Variants in EIF4ENIF1 observed in about 807,000 individuals in gnomAD.
The protein encoded by EIF4ENIF1 is eukaryotic translation initiation factor 4E nuclear import factor 1, also known as eukaryotic translation initiation factor 4E transporter.
EIF4ENIF1 carries 23 observed loss-of-function variants against 110.5 expected under a neutral mutation model. The observed-to-expected ratio is 0.21, with a 90% CI of 0.15 to 0.29. The LOEUF is 0.29. Ranked by LOEUF, EIF4ENIF1 falls within the 10% of genes least tolerant of loss-of-function variation. The pLI is 1.00. For missense variants in EIF4ENIF1, 1,031 were observed against 1,221.1 expected (o/e 0.84, Z 2.32); for synonymous variants, 440 against 437.0 (o/e 1.01, Z -0.09).
At chr22:31,452,984 T>A (rs1049016114) in intron 10 of EIF4ENIF1, among the ~76,000 whole-genome samples, 1 of 152,168 alleles carries the variant, frequency 6.6e-6, no homozygotes, top group Non-Finnish European at 1.5e-5. Flanking sequence ...CAAACAGCTA[T>A]TGCTACTTGC....
intron 15 of EIF4ENIF1, 61 bp downstream of exon 15, chr22:31,444,545 C>G: frequency 6.6e-7 from 1 of 1,505,778 alleles, no homozygotes; most frequent in Non-Finnish European, 9.2e-7. Flanking sequence ...GTGGTACAAT[C>G]CATGCACAAC....
At chr22:31,453,294 C>G in intron 10 of EIF4ENIF1, 1 of 342,010 alleles carries the variant, frequency 2.9e-6, no homozygotes, top group Non-Finnish European at 5.9e-6. Context: ...TTCATGCCTA[C>G]AAGTTTTGTT....
intron 17 of EIF4ENIF1, 117 bp from the exon 18 acceptor site, chr22:31,440,985 G>T: frequency 7.3e-7 from 1 of 1,375,388 alleles, no homozygotes; most frequent in Non-Finnish European, 1.0e-6. Context: ...GCTCTGCGCA[G>T]TGGCTCACGC....
downstream of EIF4ENIF1, among the ~76,000 whole-genome samples, chr22:31,438,987 T>TGAGA (rs1324560822): frequency 1.3e-5 from 2 of 152,222 alleles, no homozygotes; most frequent in African/African-American, 4.8e-5. Flanking sequence ...CCCAGAGTGC[T>TGAGA]GAGATTACAG....
chr22:31,446,400 C>G (rs2050478854), intron 14 of EIF4ENIF1, among the ~76,000 whole-genome samples: 1 of 151,810 alleles, frequency 6.6e-6, no homozygotes, highest in African/African-American at 2.4e-5. Flanking sequence ...GCAGACCAGT[C>G]TGGAGCTCTC....
At chr22:31,459,489 T>C (rs2103853) in intron 6 of EIF4ENIF1, among the ~76,000 whole-genome samples, 54,631 of 151,954 alleles carry the variant, frequency 0.36, 11,250 homozygotes, top group East Asian at 0.87. Context: ...AAGCTTGCCC[T>C]GCCTACCCAT....
chr22:31,444,162 AC>A (rs2050389584), intron 15 of EIF4ENIF1, among the ~76,000 whole-genome samples: 1 of 152,116 alleles, frequency 6.6e-6, no homozygotes, highest in Non-Finnish European at 1.5e-5. Context: ...ATATAAGCAA[AC>A]CCTTCTGTTC....
At chr22:31,477,996 A>G (rs1428958345) in intron 2 of EIF4ENIF1, among the ~76,000 whole-genome samples, 2 of 152,218 alleles carry the variant, frequency 1.3e-5, no homozygotes, top group Non-Finnish European at 2.9e-5. Flanking sequence ...AAGATTTCCA[A>G]TGAATGCCCA....
At chr22:31,455,384 TTTC>T in intron 8 of EIF4ENIF1, 69 bp from the exon 9 acceptor site, 3 of 1,257,556 alleles carry the variant, frequency 2.4e-6, no homozygotes, top group East Asian at 2.8e-5. Flanking sequence ...CGACAGTATT[TTTC>T]TTTCTTTCTT....
chr22:31,468,897 C>T (rs566439681), intron 3 of EIF4ENIF1, among the ~76,000 whole-genome samples: 3 of 152,260 alleles, frequency 2.0e-5, no homozygotes, highest in Admixed American at 6.5e-5. Context: ...ACAATAACTA[C>T]GCCTGTACTA....
intron 15 of EIF4ENIF1, among the ~76,000 whole-genome samples, chr22:31,443,578 G>A (rs899340674): frequency 1.3e-5 from 2 of 151,996 alleles, no homozygotes; most frequent in East Asian, 1.9e-4. Flanking sequence ...TTCTACCTTG[G>A]TGATTTTATT....
intron 3 of EIF4ENIF1, among the ~76,000 whole-genome samples, chr22:31,470,178 A>AG (rs1449687950): frequency 1.4e-5 from 1 of 69,472 alleles, no homozygotes; most frequent in Non-Finnish European, 2.7e-5. Flanking sequence ...AAAAAAAAAA[A>AG]AAAAAAGAAA....
At chr22:31,444,094 A>T (rs1601558727) in intron 15 of EIF4ENIF1, among the ~76,000 whole-genome samples, 1 of 152,184 alleles carries the variant, frequency 6.6e-6, no homozygotes, top group Non-Finnish European at 1.5e-5. Flanking sequence ...CACCACGCCC[A>T]GCTGGAATGA....
downstream of EIF4ENIF1, among the ~76,000 whole-genome samples, chr22:31,438,857 G>A (rs8140830): frequency 0.054 from 8,137 of 152,046 alleles, 707 homozygotes; most frequent in African/African-American, 0.18. Context: ...CGAGTAGCTG[G>A]GACTACAAGT....
intron 2 of EIF4ENIF1, among the ~76,000 whole-genome samples, chr22:31,474,068 T>C (rs1239310087): frequency 6.6e-6 from 1 of 151,994 alleles, no homozygotes; most frequent in Non-Finnish European, 1.5e-5. Context: ...TTTCCTCTTT[T>C]TTTTTTTTTG....
upstream of EIF4ENIF1, among the ~76,000 whole-genome samples, chr22:31,493,080 C>T (rs2052297657): frequency 2.0e-5 from 3 of 151,738 alleles, no homozygotes; most frequent in Admixed American, 2.0e-4. Context: ...GTCGTCCAGG[C>T]TGGAGTGCAG....
At position 31,456,395 on chromosome 22, in the gene EIF4ENIF1, T is replaced by G. The variant is rs2050822226; in HGVS notation, c.964-408A>C. ...CCTGCCACCACGCCCGGCTAATTTT[T>G]TGTATTTTTAGTAGAGACGGGGTTT... On this transcript the variant is annotated intron_variant, in intron 7 of 18. Transcript: ENST00000330125. Among the ~76,000 whole-genome samples, 4 of 151,996 alleles carry G rather than the reference T, an allele frequency of 2.6e-5. No individual in the cohort carries two copies. In the South Asian group the frequency reaches 6.2e-4, roughly 24 times the overall value.
intron 5 of EIF4ENIF1, 43 bp downstream of exon 5, chr22:31,463,638 C>T (rs1328173557): frequency 1.3e-6 from 2 of 1,483,506 alleles, no homozygotes; most frequent in East Asian, 2.4e-5. Flanking sequence ...AAGAGCGAAA[C>T]TCCGTCTCAA....
At chr22:31,446,147 T>C (rs2050466947) in intron 14 of EIF4ENIF1, among the ~76,000 whole-genome samples, 1 of 151,600 alleles carries the variant, frequency 6.6e-6, no homozygotes, top group African/African-American at 2.4e-5. Context: ...TAGCCGGGTG[T>C]GGTGGCACAC....
Sources: gnomAD v4.1 joint callset for allele counts (sites outside exome capture counted in the v4.1 genomes callset) on GRCh38, gnomAD v4.1.1 for gene constraint, MANE v1.5 for transcripts, NCBI Gene and HGNC (gene_info 2026-07-23, HGNC 2026-07-21) for gene names.